The following SLC22A15 variants were observed in gnomAD, a reference collection of about 807,000 sequenced individuals.
SLC22A15 encodes flipt 1.
Under a neutral mutation model 62.7 loss-of-function variants are expected in SLC22A15, and 45 were observed. The ratio of observed to expected loss-of-function variants is 0.72; its 90% CI spans 0.56 to 0.92. The LOEUF (loss-of-function observed/expected upper bound fraction) is 0.92. Ranked by LOEUF, SLC22A15 falls within the 40% of genes least tolerant of loss-of-function variation. SLC22A15 has a pLI of 0.00. For synonymous variants in SLC22A15, 264 were observed against 267.0 expected (o/e 0.99, Z 0.11); for missense variants, 622 against 665.6 (o/e 0.93, Z 0.72).
intron 8 of SLC22A15, among the ~76,000 whole-genome samples, chr1:116,060,106 G>T (rs914254549): frequency 6.6e-6 from 1 of 152,222 alleles, no homozygotes. Context: ...CAGGGAACCA[G>T]TCTAACGGCT....
chr1:116,008,726 G>A (rs1272587201), intron 2 of SLC22A15, among the ~76,000 whole-genome samples: 1 of 152,228 alleles, frequency 6.6e-6, no homozygotes, highest in Non-Finnish European at 1.5e-5. Context: ...ATACTAGTCT[G>A]CTAATTAAAA....
intron 1 of SLC22A15, among the ~76,000 whole-genome samples, chr1:115,982,796 G>A (rs955170965): frequency 6.6e-6 from 1 of 152,104 alleles, no homozygotes; most frequent in Non-Finnish European, 1.5e-5. Flanking sequence ...TCTAAACATC[G>A]TTTCCTTTTA....
At position 116,062,886 on chromosome 1, in the gene SLC22A15, C is replaced by T. The variant is rs75385709; in HGVS notation, c.1292+4C>T. 7.3e-3 allele frequency: 11,810 copies of T among 1,612,978 alleles called. 422 individuals carry two copies. The African/African-American group carries it at 0.1, about 14-fold the overall frequency. On this transcript the variant is annotated splice_donor_region_variant and intron_variant, in intron 9 of 11. Transcript: ENST00000369503. ...AGCTTTACCCTACAGTCATCAGGTA[C>T]GTGTCTCACACAGCCTCATTCTTCA...
chr1:116,054,006 A>C (rs984861012), intron 8 of SLC22A15, among the ~76,000 whole-genome samples: 3 of 152,194 alleles, frequency 2.0e-5, no homozygotes, highest in African/African-American at 7.2e-5. Context: ...CTAATGAGCA[A>C]AATAACCAGC....
chr1:116,022,829 G>A (rs1656908173), intron 4 of SLC22A15, among the ~76,000 whole-genome samples: 1 of 152,214 alleles, frequency 6.6e-6, no homozygotes, highest in South Asian at 2.1e-4. Context: ...GAAATTGAGA[G>A]CATGTATGAG....
In SLC22A15 at chr1:116,031,821, C is replaced by T. The variant is rs1000328776; in HGVS notation, c.944+240C>T. ...GGTCCACTGAGCTTGAGTAAGTAGA[C>T]ATCAGAAGCACATCTTTGCTTTTGA... On this transcript the variant is annotated intron_variant, in intron 6 of 11. Coordinates refer to ENST00000369503, the MANE Select transcript of SLC22A15 (RefSeq NM_018420.3). The T allele has an allele frequency of 4.4e-6, 6 of 1,364,766 alleles. No individual in the cohort carries two copies. In the African/African-American group the frequency reaches 7.3e-5, roughly 17 times the overall value. The allele number at this position is 1,364,766 out of a possible 1,614,324, so 84.5% of individuals were successfully genotyped here.
chr1:116,062,620 T>G, intron 8 of SLC22A15, 142 bp from the exon 9 acceptor site: 1 of 922,876 alleles, frequency 1.1e-6, no homozygotes, highest in East Asian at 2.6e-5. Flanking sequence ...TTACTAAACC[T>G]TCTGAATGTG....
intron 1 of SLC22A15, among the ~76,000 whole-genome samples, chr1:115,989,004 A>G (rs2101079278): frequency 6.6e-6 from 1 of 152,278 alleles, no homozygotes; most frequent in East Asian, 1.9e-4. Flanking sequence ...GGAGACAAAA[A>G]GGCTAACACC....
chr1:116,065,592 C>T (rs1454806800), intron 10 of SLC22A15, among the ~76,000 whole-genome samples: 1 of 151,506 alleles, frequency 6.6e-6, no homozygotes, highest in East Asian at 1.9e-4. Context: ...GATTCTCCTC[C>T]TCCCTCTTCC....
rs528688048 is a variant in SLC22A15, at chr1:116,051,868, T to C, written c.1172-10894T>C. Among the ~76,000 whole-genome samples the C allele has an allele frequency of 7.2e-5, 11 of 152,262 alleles. No individual in the cohort carries two copies. In the South Asian group the frequency reaches 2.3e-3, roughly 32 times the overall value. Reference sequence around the variant, plus strand: ...TTCTGGGATCAAACAGTAGCTTTGTTTACAGTCCTGGGTATGTCTTTATCA... The same window carrying C: ...TTCTGGGATCAAACAGTAGCTTTGTCTACAGTCCTGGGTATGTCTTTATCA... On this transcript the variant is annotated intron_variant, in intron 8 of 11. Coordinates refer to ENST00000369503, the MANE Select transcript of SLC22A15 (RefSeq NM_018420.3).
rs1414693756 is a variant in SLC22A15 at position 116,027,117 on chromosome 1, A to G, written c.728+95A>G. The G allele has an allele frequency of 4.0e-6, 5 of 1,243,896 alleles. No individual in the cohort carries two copies. In the Admixed American group the frequency reaches 9.8e-5, roughly 24 times the overall value. 77.1% of individuals were successfully genotyped at this position (1,243,896 alleles called of 1,614,324 possible). On this transcript the variant is annotated intron_variant, in intron 5 of 11. Coordinates refer to ENST00000369503, the MANE Select transcript of SLC22A15 (RefSeq NM_018420.3). ...ATGAGCAGCATTATTCCCTTTCAGG[A>G]GCTTGCCTGCACTGACTTTGGTGAA...
chr1:116,059,988 A>C (rs1488819141), intron 8 of SLC22A15, among the ~76,000 whole-genome samples: 1 of 152,176 alleles, frequency 6.6e-6, no homozygotes, highest in Non-Finnish European at 1.5e-5. Flanking sequence ...TTTTTTAAAA[A>C]GATAGTTTAG....
Position 116,064,441 on chromosome 1 carries a change from T to C in SLC22A15, c.1298T>C (p.Val433Ala). The C allele has an allele frequency of 6.2e-7, 1 of 1,612,602 alleles. No individual in the cohort carries two copies. Among genetic ancestry groups the C allele is most frequent in the Non-Finnish European group, 8.5e-7 (1 of 1,178,716 alleles). ...SELYPTVIRN[V>A]GLGTCSMFSR... ...TTTTTACTTATGCTTTTCAGGAATGTTGGGCTTGGAACTTGTTCCATGTTC... is the reference window on the plus strand; with the variant it reads ...TTTTTACTTATGCTTTTCAGGAATGCTGGGCTTGGAACTTGTTCCATGTTC... Residue 433 changes from valine (V) to alanine (A), a missense_variant, in exon 10 of 12, where the codon GTT becomes GCT. Coordinates refer to ENST00000369503, the MANE Select transcript of SLC22A15 (RefSeq NM_018420.3).
chr1:116,026,298 A>G (rs894905122), intron 4 of SLC22A15, among the ~76,000 whole-genome samples: 1 of 152,024 alleles, frequency 6.6e-6, no homozygotes, highest in African/African-American at 2.4e-5. Context: ...GGGCGCCTGT[A>G]ATCCCAGCTA....
intron 2 of SLC22A15, among the ~76,000 whole-genome samples, chr1:116,018,807 T>G (rs1656675719): frequency 6.6e-6 from 1 of 152,220 alleles, no homozygotes; most frequent in South Asian, 2.1e-4. Flanking sequence ...TGTATATTAT[T>G]GTTAGCTATA....
intron 8 of SLC22A15, among the ~76,000 whole-genome samples, chr1:116,053,588 A>G (rs1368529001): frequency 1.3e-5 from 2 of 152,224 alleles, no homozygotes; most frequent in African/African-American, 2.4e-5. Context: ...GAGCAACTCC[A>G]AGACACGTAA....
intron 11 of SLC22A15, 105 bp downstream of exon 11, chr1:116,066,813 CA>C (rs1215980254): frequency 8.5e-6 from 10 of 1,175,396 alleles, no homozygotes; most frequent in Non-Finnish European, 1.2e-5. Context: ...TGCTGGAAAA[CA>C]AAAGTGGGAT....
chr1:116,063,626 T>C (rs1013288576), intron 9 of SLC22A15, among the ~76,000 whole-genome samples: 1 of 152,238 alleles, frequency 6.6e-6, no homozygotes, highest in African/African-American at 2.4e-5. Context: ...TTATTTTTCC[T>C]AGTAAGAGAG....
intron 8 of SLC22A15, among the ~76,000 whole-genome samples, chr1:116,046,072 T>C (rs529542918): frequency 1.1e-4 from 16 of 152,294 alleles, no homozygotes; most frequent in African/African-American, 3.8e-4. Flanking sequence ...CTTCAACCTG[T>C]AAATCACATT....
Sources: allele counts gnomAD v4.1 joint callset (sites outside exome capture counted in the v4.1 genomes callset), GRCh38; gene constraint gnomAD v4.1.1; transcripts MANE v1.5; gene names NCBI Gene and HGNC (gene_info 2026-07-23, HGNC 2026-07-21).